FBXL19: variants seen among roughly 807,000 people sequenced by gnomAD.
The protein encoded by FBXL19 is F-box/LRR-repeat protein 19.
A neutral mutation model predicts 71.2 loss-of-function variants in FBXL19; 16 were observed. The ratio of observed to expected loss-of-function variants is 0.22; its 90% CI spans 0.15 to 0.34. FBXL19 has a LOEUF of 0.34. FBXL19 is among the 10% of genes least tolerant of loss of function. The pLI, the probability that FBXL19 is intolerant of heterozygous loss-of-function variation, is 1.00. For synonymous variants in FBXL19, 447 were observed against 409.4 expected (o/e 1.09, Z -1.11); for missense variants, 658 against 968.2 (o/e 0.68, Z 4.25).
Position 30,927,884 on chromosome 16 carries a change from C to A in FBXL19, c.548C>A (p.Pro183His), listed in dbSNP as rs763328879. The A allele has an allele frequency of 2.0e-6, 3 of 1,529,464 alleles. No homozygotes were observed. Among genetic ancestry groups the A allele is most frequent in the Non-Finnish European group, 2.6e-6 (3 of 1,139,584 alleles). 94.7% of individuals were successfully genotyped at this position (1,529,464 alleles called of 1,614,324 possible). ...PRRKGPLPAG[P>H]PPEDVPGPPK... ...CGCAAGGGCCCCCTGCCTGCCGGGCCCCCCCCGGAGGACGTGCCTGGGCCC... is the reference window on the plus strand; with the variant it reads ...CGCAAGGGCCCCCTGCCTGCCGGGCACCCCCCGGAGGACGTGCCTGGGCCC... Residue 183 changes from proline to histidine, a missense_variant, in exon 5 of 11, where the codon CCC (proline) becomes CAC (histidine). Pro to His is a moderately conservative substitution (Grantham distance 77, BLOSUM62 -2). This residue lies in a region of FBXL19 where 447 missense variants were observed against 515.4 expected (regional missense o/e 0.87). Transcript: ENST00000338343.
At position 30,947,901 on chromosome 16, in the gene FBXL19, G is replaced by A. The variant is rs1158547827; in HGVS notation, c.*671G>A. The A allele has an allele frequency of 2.2e-6, 1 of 455,054 alleles. No individual in the cohort carries two copies. Among genetic ancestry groups the A allele is most frequent in the East Asian group, 7.0e-5 (1 of 14,348 alleles). The allele number at this position is 455,054 out of a possible 1,614,324, so 28.2% of individuals were successfully genotyped here. On this transcript the variant is annotated 3_prime_UTR_variant, in exon 11 of 11. Transcript: ENST00000338343. ...TCCTTGAACGTCACTGAAAACGGCA[G>A]CTATTGCAAGGAGTGGGGGCCGCGG...
rs2055808292 is a variant in FBXL19 at position 30,942,084 on chromosome 16, T to C, written c.1302-32T>C. On this transcript the variant is annotated intron_variant, in intron 7 of 10. Coordinates refer to ENST00000338343, the MANE Select transcript of FBXL19 (RefSeq NM_001382779.1). This position sits in a 1 kb window ranked among gnomAD's most constrained non-coding sequence, Gnocchi z 5.7. ...CTGTGGGCTGCTGAGAGCTGAGGGCTGAGGTCTCTGTCTCCCCCCTATGGC... is the reference window on the plus strand; with the variant it reads ...CTGTGGGCTGCTGAGAGCTGAGGGCCGAGGTCTCTGTCTCCCCCCTATGGC... 21 of 1,517,222 alleles carry C rather than the reference T, an allele frequency of 1.4e-5. No individual in the cohort carries two copies. The highest frequency in any genetic ancestry group is 2.4e-5 in the East Asian group (1 of 42,524). The allele number at this position is 1,517,222 out of a possible 1,614,324, so 94.0% of individuals were successfully genotyped here.
intron 9 of FBXL19, among the ~76,000 whole-genome samples, chr16:30,943,110 G>A (rs2055819952): frequency 6.6e-6 from 1 of 152,236 alleles, no homozygotes; most frequent in Non-Finnish European, 1.5e-5. Flanking sequence ...ACTTGAATGA[G>A]CAATCAGGAT....
intron 2 of FBXL19, among the ~76,000 whole-genome samples, chr16:30,926,841 G>A (rs1303621406): frequency 6.6e-6 from 1 of 152,074 alleles, no homozygotes; most frequent in Non-Finnish European, 1.5e-5. Flanking sequence ...GTGTTCCCAG[G>A]GGGTCTTGCC....
intron 1 of FBXL19, chr16:30,924,673 T>C: frequency 7.1e-7 from 1 of 1,413,564 alleles, no homozygotes; most frequent in Non-Finnish European, 9.2e-7. Context: ...CACCCCCGCC[T>C]GCAGTCGCCG....
chr16:30,945,849 GAAAAA>G (rs11464927), intron 9 of FBXL19, among the ~76,000 whole-genome samples: 1 of 86,818 alleles, frequency 1.2e-5, no homozygotes, highest in Non-Finnish European at 2.1e-5. Context: ...CCGTCTCGGG[GAAAAA>G]AAAAAAAAAA....
chr16:30,928,686 T>G, intron 6 of FBXL19, 58 bp downstream of exon 6: 1 of 1,278,338 alleles, frequency 7.8e-7, no homozygotes, highest in Non-Finnish European at 1.0e-6. Context: ...CCCTTCACCC[T>G]GGAGCCCAAG....
upstream of FBXL19, chr16:30,922,876 G>T (rs2055538118): frequency 5.0e-5 from 18 of 359,630 alleles, no homozygotes; most frequent in South Asian, 3.2e-4. Flanking sequence ...GGCGGGCGAG[G>T]TGCCCAAGGT....
At chr16:30,924,675 C>T (rs2055569132) in intron 1 of FBXL19, 4 of 1,450,514 alleles carry the variant, frequency 2.8e-6, no homozygotes, top group Non-Finnish European at 3.6e-6. Context: ...CCCCCGCCTG[C>T]AGTCGCCGCC....
At chr16:30,939,609 G>C (rs1469974160) in intron 7 of FBXL19, among the ~76,000 whole-genome samples, 1 of 150,802 alleles carries the variant, frequency 6.6e-6, no homozygotes, top group African/African-American at 2.4e-5. Context: ...TAGTAGAGAC[G>C]GGGTTTCACT....
upstream of FBXL19, chr16:30,923,165 C>G (rs1280098482): frequency 2.2e-6 from 1 of 456,632 alleles, no homozygotes; most frequent in Non-Finnish European, 4.4e-6. Flanking sequence ...ACCACACACG[C>G]GGAGGGTTGT....
At position 30,930,482 on chromosome 16, in the gene FBXL19, C is replaced by G. The variant is rs921015029; in HGVS notation, c.1199C>G (p.Ser400Cys). The change falls in exon 7 of 11, where the codon TCC becomes TGC. Residue 400 changes from serine (S) to cysteine (C), a missense_variant. This residue lies in a region of FBXL19 where 447 missense variants were observed against 515.4 expected (regional missense o/e 0.87). Transcript: ENST00000338343. The surrounding 1 kb of genome is among the most constrained non-coding windows in gnomAD (Gnocchi z 8.5). ...GACACACTCCCCTTGGCTGCTGGAT[C>G]CGACCACCCCCTGCCCCGGGCCGCC... ...EPDTLPLAAG[S>C]DHPLPRAAWL... The G allele has an allele frequency of 9.1e-6, 14 of 1,533,310 alleles. No individual in the cohort carries two copies. The highest frequency in any genetic ancestry group is 1.4e-5 in the African/African-American group (1 of 72,494). 95.0% of individuals were successfully genotyped at this position (1,533,310 alleles called of 1,614,324 possible).
chr16:30,925,867 A>G lies in FBXL19; in HGVS notation c.113A>G (p.Asp38Gly). The G allele has an allele frequency of 6.6e-7, 1 of 1,508,882 alleles. No homozygotes were observed. Among genetic ancestry groups the G allele is most frequent in the African/African-American group, 1.4e-5 (1 of 69,260 alleles). 93.5% of individuals were successfully genotyped at this position (1,508,882 alleles called of 1,614,324 possible). The change falls in exon 2 of 11, where the codon GAC becomes GGC. Residue 38 changes from aspartate to glycine, a missense_variant. Transcript: ENST00000338343. This position sits in a 1 kb window ranked among gnomAD's most constrained non-coding sequence, Gnocchi z 5.0. ...TGCGGGGATTGCCACTTCTGCCGAG[A>G]CATGAAGAAGTTCGGGGGGCCCGGG... ...TECGDCHFCRDMKKFGGPGRM... is the reference protein window; with the variant it reads ...TECGDCHFCRGMKKFGGPGRM...
At chr16:30,938,309 G>A (rs1368335684) in intron 7 of FBXL19, among the ~76,000 whole-genome samples, 1 of 151,986 alleles carries the variant, frequency 6.6e-6, no homozygotes, top group African/African-American at 2.4e-5. Context: ...GAGCCCAGGG[G>A]TTCAAGACAA....
Position 30,927,976 on chromosome 16 carries a change from G to T in FBXL19, c.627+13G>T. On this transcript the variant is annotated intron_variant, in intron 5 of 10. Coordinates refer to ENST00000338343, the MANE Select transcript of FBXL19 (RefSeq NM_001382779.1). ...CCCAAGGAAAAAGGTGAGCCACGGAGCACGCTCACTAGGCTTGTCCTGAGG... is the reference window on the plus strand; with the variant it reads ...CCCAAGGAAAAAGGTGAGCCACGGATCACGCTCACTAGGCTTGTCCTGAGG... The T allele has an allele frequency of 1.4e-6, 2 of 1,462,436 alleles. No individual in the cohort carries two copies. Among genetic ancestry groups the T allele is most frequent in the Non-Finnish European group, 1.8e-6 (2 of 1,102,726 alleles). The allele number at this position is 1,462,436 out of a possible 1,614,324, so 90.6% of individuals were successfully genotyped here.
chr16:30,929,540 A>G (rs1207082909), intron 6 of FBXL19, among the ~76,000 whole-genome samples: 1 of 152,070 alleles, frequency 6.6e-6, no homozygotes, highest in African/African-American at 2.4e-5. Context: ...ATGCAAACCC[A>G]TAAGGGCTGG....
At chr16:30,932,309 G>GAATGTAGATAGGC (rs2055684057) in intron 7 of FBXL19, among the ~76,000 whole-genome samples, 1 of 152,208 alleles carries the variant, frequency 6.6e-6, no homozygotes. Flanking sequence ...ATATAGTTAA[G>GAATGTAGATAGGC]CTGCAACATA....
rs1270617848 is a variant in FBXL19, at chr16:30,924,426, A to T, written c.-58A>T. 12 of 270,536 alleles carry T rather than the reference A, an allele frequency of 4.4e-5. No homozygotes were observed. Among genetic ancestry groups the T allele is most frequent in the African/African-American group, 8.9e-5 (4 of 45,060 alleles). 16.8% of individuals were successfully genotyped at this position (270,536 alleles called of 1,614,324 possible). A position where few individuals can be genotyped will look rare whatever the true frequency, so the allele number is the denominator to read the frequency against. On this transcript the variant is annotated 5_prime_UTR_variant, in exon 1 of 11. Transcript: ENST00000338343. ...GCCGCCGACCCGCCGGGAGCTGCCG[A>T]GAAGGGAGAGATGGCTCCCGGGACA...
At position 30,940,655 on chromosome 16, in the gene FBXL19, TTTTG is replaced by T. The variant is rs570540459; in HGVS notation, c.1302-1437_1302-1434del. The stretch of plus-strand genomic sequence containing the variant: ...GCCCTTCTCCAGTTCACTGCATGTT[TTTTG>T]TTTGTTTGTTTGTTTGTTTGTTTTT... On this transcript the variant is annotated intron_variant, in intron 7 of 10. Coordinates refer to ENST00000338343, the MANE Select transcript of FBXL19 (RefSeq NM_001382779.1). Among the ~76,000 whole-genome samples the T allele has an allele frequency of 2.3e-4, 35 of 151,860 alleles. 1 individual carries two copies. The highest frequency in any genetic ancestry group is 9.7e-4 in the East Asian group (5 of 5,162).
Sources: allele counts gnomAD v4.1 joint callset (sites outside exome capture counted in the v4.1 genomes callset), GRCh38; gene constraint gnomAD v4.1.1; regional missense constraint gnomAD v4.1.1; non-coding constraint Gnocchi (gnomAD v3.1); transcripts MANE v1.5; gene names NCBI Gene and HGNC (gene_info 2026-07-23, HGNC 2026-07-21).